Variants in DNAH14 observed in about 807,000 individuals in gnomAD.
DNAH14 encodes the protein dynein axonemal heavy chain 14, also known as axonemal beta dynein heavy chain 14.
A neutral mutation model predicts 520.9 loss-of-function variants in DNAH14; 478 were observed. That is an observed-to-expected ratio of 0.92 (90% CI 0.85 to 0.99). The LOEUF (loss-of-function observed/expected upper bound fraction) is 0.99. DNAH14 is among the 50% of genes least tolerant of loss of function. The probability of loss-of-function intolerance (pLI) is 0.00; values close to 1 mark genes in which losing one functional copy is unlikely to be tolerated. For missense variants in DNAH14, 4,831 were observed against 5,234.5 expected, an observed-to-expected ratio of 0.92 and a Z score of 2.38; for synonymous variants, 1,581 against 1,757.2, an observed-to-expected ratio of 0.90 and a Z score of 2.51.
intron 31 of DNAH14, among the ~76,000 whole-genome samples, chr1:225,148,478 T>C (rs1337026777): frequency 7.1e-6 from 1 of 141,010 alleles, no homozygotes; most frequent in Non-Finnish European, 1.5e-5. Context: ...CTCAGCTCAC[T>C]GCAGCCTCCG....
chr1:225,372,631 A>C (rs796892623), intron 77 of DNAH14, among the ~76,000 whole-genome samples: 6 of 152,342 alleles, frequency 3.9e-5, no homozygotes, highest in African/African-American at 1.4e-4. Context: ...TAAATCTAGG[A>C]GATTACATGT....
At chr1:225,223,702 G>A (rs2090273885) in intron 41 of DNAH14, among the ~76,000 whole-genome samples, 1 of 152,098 alleles carries the variant, frequency 6.6e-6, no homozygotes, top group African/African-American at 2.4e-5. Flanking sequence ...TATTCCCCTT[G>A]CAGAACAAGA....
intron 64 of DNAH14, among the ~76,000 whole-genome samples, chr1:225,329,503 G>A (rs1038218486): frequency 6.6e-6 from 1 of 152,120 alleles, no homozygotes; most frequent in South Asian, 2.1e-4. Flanking sequence ...TTCACCAAAT[G>A]CTTTTGAGCA....
chr1:225,278,892 A>ATCTTCCC (rs2093558578), intron 54 of DNAH14, among the ~76,000 whole-genome samples: 1 of 152,194 alleles, frequency 6.6e-6, no homozygotes, highest in Non-Finnish European at 1.5e-5. Flanking sequence ...TCACAAACCT[A>ATCTTCCC]TCTTCCCTCT....
chr1:225,289,294 G>A (rs1046768594), intron 54 of DNAH14, among the ~76,000 whole-genome samples: 1 of 152,124 alleles, frequency 6.6e-6, no homozygotes, highest in Non-Finnish European at 1.5e-5. Flanking sequence ...GAGTTGGATG[G>A]TGATTGACTG....
At chr1:225,102,500 C>T (rs1479548079) in intron 23 of DNAH14, among the ~76,000 whole-genome samples, 1 of 152,160 alleles carries the variant, frequency 6.6e-6, no homozygotes, top group African/African-American at 2.4e-5. Flanking sequence ...AGTTTACAGT[C>T]CCACCAACAG....
At chr1:225,214,181 T>G (rs1441343659) in intron 41 of DNAH14, among the ~76,000 whole-genome samples, 3 of 152,162 alleles carry the variant, frequency 2.0e-5, no homozygotes, top group Non-Finnish European at 2.9e-5. Context: ...GGTTTTTGTC[T>G]TTGGTTCTGT....
intron 41 of DNAH14, among the ~76,000 whole-genome samples, chr1:225,230,096 A>G: frequency 6.6e-6 from 1 of 152,260 alleles, no homozygotes; most frequent in Middle Eastern, 3.4e-3. Flanking sequence ...ACTATCCTTT[A>G]TTCTAGGAAT....
intron 11 of DNAH14, among the ~76,000 whole-genome samples, chr1:225,034,028 C>T (rs991835899): frequency 6.6e-6 from 1 of 152,174 alleles, no homozygotes; most frequent in Non-Finnish European, 1.5e-5. Context: ...TTTGACTTCT[C>T]TCTTCCTATT....
intron 55 of DNAH14, among the ~76,000 whole-genome samples, chr1:225,291,000 T>TA (rs976442664): frequency 3.9e-5 from 6 of 151,916 alleles, no homozygotes; most frequent in Non-Finnish European, 5.9e-5. Context: ...TTGTATCCCT[T>TA]AAAAAATCCC....
intron 10 of DNAH14, among the ~76,000 whole-genome samples, chr1:225,017,798 T>C (rs2065334482): frequency 6.6e-6 from 1 of 152,020 alleles, no homozygotes; most frequent in Non-Finnish European, 1.5e-5. Flanking sequence ...TGCCCAGGAG[T>C]GTTGAAGTGA....
intron 63 of DNAH14, among the ~76,000 whole-genome samples, 178 bp from the exon 64 acceptor site, chr1:225,324,559 G>GTGTATTTCATTT: frequency 6.6e-6 from 1 of 152,290 alleles, no homozygotes; most frequent in East Asian, 1.9e-4. Context: ...GCTAGTATTT[G>GTGTATTTCATTT]TGTATTTCAT....
chr1:225,060,356 C>G (rs1445295531), intron 17 of DNAH14, among the ~76,000 whole-genome samples: 1 of 152,150 alleles, frequency 6.6e-6, no homozygotes, highest in Non-Finnish European at 1.5e-5. Context: ...CCTTGGTTTT[C>G]AGCTCCATCA....
chr1:225,188,045 T>C (rs2084956338), intron 37 of DNAH14, among the ~76,000 whole-genome samples: 1 of 151,900 alleles, frequency 6.6e-6, no homozygotes. Context: ...GCCACAGATG[T>C]TTGGGTTTGT....
intron 54 of DNAH14, among the ~76,000 whole-genome samples, chr1:225,282,508 A>T (rs1179887355): frequency 6.6e-6 from 1 of 152,226 alleles, no homozygotes; most frequent in African/African-American, 2.4e-5. Flanking sequence ...ATTCAATGTT[A>T]ACTTGAGACA....
At chr1:225,176,105 T>G (rs1374721132) in intron 36 of DNAH14, among the ~76,000 whole-genome samples, 2 of 152,172 alleles carry the variant, frequency 1.3e-5, no homozygotes, top group African/African-American at 4.8e-5. Context: ...ACTTCCTTCC[T>G]TCCTTGCTTT....
At chr1:225,130,020 A>G (rs2078217145) in intron 27 of DNAH14, among the ~76,000 whole-genome samples, 1 of 152,234 alleles carries the variant, frequency 6.6e-6, no homozygotes, top group Admixed American at 6.5e-5. Context: ...ATATGAACAG[A>G]CACTTCTCAA....
chr1:224,974,468 T>G (rs1207647123), intron 8 of DNAH14, among the ~76,000 whole-genome samples: 1 of 152,212 alleles, frequency 6.6e-6, no homozygotes, highest in Admixed American at 6.5e-5. Context: ...TTTGTTAGGA[T>G]CTCCATCAGC....
chr1:224,951,811 C>G (rs894149106), intron 1 of DNAH14, among the ~76,000 whole-genome samples: 1 of 152,040 alleles, frequency 6.6e-6, no homozygotes, highest in Non-Finnish European at 1.5e-5. Flanking sequence ...CCACCAATGC[C>G]CGGCTAATTT....
Sources: allele counts gnomAD v4.1 joint callset (sites outside exome capture counted in the v4.1 genomes callset), GRCh38; gene constraint gnomAD v4.1.1; transcripts MANE v1.5; gene names NCBI Gene and HGNC (gene_info 2026-07-23, HGNC 2026-07-21).